WDFY4: variants seen among roughly 807,000 people sequenced by gnomAD.
WDFY4 encodes the protein WDFY family member 4, also known as WD repeat- and FYVE domain-containing protein 4.
Under a neutral mutation model 351.9 loss-of-function variants are expected in WDFY4, and 169 were observed. That is an observed-to-expected ratio of 0.48 (90% confidence interval 0.42 to 0.55). WDFY4 has a LOEUF of 0.55. WDFY4 is among the 20% of genes least tolerant of loss of function. The pLI, the probability that WDFY4 is intolerant of heterozygous loss-of-function variation, is 0.00. For missense variants in WDFY4, 3,803 were observed against 3,935.6 expected (o/e 0.97, Z 0.90); for synonymous variants, 1,622 against 1,574.6 (o/e 1.03, Z -0.71).
intron 11 of WDFY4, among the ~76,000 whole-genome samples, chr10:48,737,906 T>C (rs1045240696): frequency 3.3e-5 from 5 of 152,206 alleles, no homozygotes; most frequent in Non-Finnish European, 7.4e-5. Context: ...GAGAGCTTCA[T>C]TGACTAAATT....
intron 1 of WDFY4, among the ~76,000 whole-genome samples, chr10:48,696,718 T>C (rs1359553378): frequency 6.6e-6 from 1 of 152,228 alleles, no homozygotes; most frequent in Admixed American, 6.5e-5. Context: ...AAAGGCCATG[T>C]GGGCTGAAGC....
chr10:48,778,899 C>G (rs1468588155), intron 18 of WDFY4, 67 bp downstream of exon 18: 4 of 1,509,452 alleles, frequency 2.6e-6, no homozygotes, highest in East Asian at 4.9e-5. Flanking sequence ...GTCAGAAGCT[C>G]TCAACACAGG....
At chr10:48,763,966 C>T (rs1233156266) in intron 13 of WDFY4, among the ~76,000 whole-genome samples, 4 of 152,170 alleles carry the variant, frequency 2.6e-5, no homozygotes, top group East Asian at 3.8e-4. Context: ...GGCAGGCCTC[C>T]GCAGGTTTTG....
rs1247297703 is a variant in WDFY4, at chr10:48,787,808, T to TC, written c.3809-721dup. Among the ~76,000 whole-genome samples, 183 of 23,316 alleles carry TC rather than the reference T, an allele frequency of 7.8e-3. 7 individuals are homozygous for TC. The highest frequency in any genetic ancestry group is 0.022 in the East Asian group (19 of 868). 15.3% of individuals were successfully genotyped at this position (23,316 alleles called of 152,430 possible). On this transcript the variant is annotated intron_variant, in intron 20 of 61. Transcript: ENST00000325239. ...CTCTTCCTCCTCCTCCTCCTCCTCC[T>TC]CTTCTTCTTCTTCTTCTTCTTCTTC... is the stretch of plus-strand genomic sequence containing the variant.
At chr10:48,929,513 G>C (rs556417150) in intron 47 of WDFY4, among the ~76,000 whole-genome samples, 21 of 152,312 alleles carry the variant, frequency 1.4e-4, no homozygotes, top group Admixed American at 8.5e-4. Context: ...CGTGCCCCCT[G>C]AGGTCCATGG....
At position 48,943,429 on chromosome 10, in the gene WDFY4, C is replaced by T; in HGVS notation, c.7729C>T (p.Leu2577Phe). 12 of 1,551,868 alleles carry T rather than the reference C, an allele frequency of 7.7e-6. No homozygotes were observed. Among genetic ancestry groups the T allele is most frequent in the Non-Finnish European group, 1.0e-5 (12 of 1,147,014 alleles). Residue 2577 changes from leucine (L) to phenylalanine (F), a missense_variant, in exon 49 of 62, where the codon CTC becomes TTC. Transcript: ENST00000325239. ...YMQYPVFPWV[L>F]ADYTSETLNL... is the part of the protein sequence containing the mutation. ...GCAGTACCCAGTGTTCCCCTGGGTC[C>T]TCGCAGACTACACCTCAGAGGTAAG...
chr10:48,920,806 A>C (rs938845333), intron 47 of WDFY4, among the ~76,000 whole-genome samples: 3 of 152,248 alleles, frequency 2.0e-5, no homozygotes, highest in Admixed American at 6.5e-5. Context: ...TGAGTTTAGC[A>C]AGGCCATAGG....
rs1384031982 is a variant in WDFY4 at position 48,742,915 on chromosome 10, A to G, written c.1879-53A>G. The stretch of plus-strand genomic sequence containing the variant: ...CTCTGGCAGGAATGTGTGTGGGCTC[A>G]GGGTTAATCTACCTCCTGGAGTGCA... On this transcript the variant is annotated intron_variant, in intron 11 of 61. Transcript: ENST00000325239. 6 of 1,470,584 alleles carry G rather than the reference A, an allele frequency of 4.1e-6. No homozygotes were observed. In the Admixed American group the frequency reaches 1.1e-4, roughly 26 times the overall value. The allele number at this position is 1,470,584 out of a possible 1,614,324, so 91.1% of individuals were successfully genotyped here. A position where few individuals can be genotyped will look rare whatever the true frequency, so the allele number is the denominator to read the frequency against.
intron 42 of WDFY4, among the ~76,000 whole-genome samples, chr10:48,875,657 C>T (rs1440314566): frequency 6.6e-6 from 1 of 152,212 alleles, no homozygotes; most frequent in East Asian, 1.9e-4. Context: ...TCAAGTGATC[C>T]ACCTGCCTTG....
At chr10:48,710,523 T>C (rs904443689) in intron 2 of WDFY4, among the ~76,000 whole-genome samples, 5 of 152,152 alleles carry the variant, frequency 3.3e-5, no homozygotes, top group African/African-American at 9.7e-5. Flanking sequence ...TAATACTGTC[T>C]CTTTAGTTAA....
At chr10:48,790,066 A>G (rs1048505304) in intron 22 of WDFY4, 81 bp downstream of exon 22, 12 of 1,372,024 alleles carry the variant, frequency 8.7e-6, no homozygotes, top group Non-Finnish European at 1.2e-5. Flanking sequence ...GGAGTTCTGG[A>G]GTGGTGGACA....
chr10:48,896,048 G>A (rs966252188), intron 44 of WDFY4, among the ~76,000 whole-genome samples: 6 of 152,240 alleles, frequency 3.9e-5, no homozygotes, highest in African/African-American at 1.4e-4. Context: ...TCCAGCCTGG[G>A]TCTTGCAAAC....
intron 47 of WDFY4, among the ~76,000 whole-genome samples, chr10:48,911,547 T>C (rs901384016): frequency 3.9e-5 from 6 of 152,236 alleles, no homozygotes; most frequent in African/African-American, 1.4e-4. Flanking sequence ...CTTATAGTTA[T>C]GTATATCCAC....
intron 24 of WDFY4, among the ~76,000 whole-genome samples, chr10:48,800,350 A>T (rs1197285890): frequency 6.6e-6 from 1 of 152,198 alleles, no homozygotes; most frequent in African/African-American, 2.4e-5. Flanking sequence ...AAACGGTGGG[A>T]TCCGTGATGA....
chr10:48,956,626 G>A (rs1178198496), intron 51 of WDFY4, among the ~76,000 whole-genome samples: 4 of 152,042 alleles, frequency 2.6e-5, no homozygotes, highest in Non-Finnish European at 5.9e-5. Flanking sequence ...CTCACTTCCG[G>A]GGCGCCTCTC....
At chr10:48,768,136 A>G (rs1296126280) in intron 13 of WDFY4, among the ~76,000 whole-genome samples, 1 of 152,172 alleles carries the variant, frequency 6.6e-6, no homozygotes, top group African/African-American at 2.4e-5. Flanking sequence ...CATCTGGAGC[A>G]TCTGGTGGAG....
chr10:48,929,538 C>G (rs1323781387), intron 47 of WDFY4, among the ~76,000 whole-genome samples: 12 of 152,204 alleles, frequency 7.9e-5, no homozygotes, highest in Admixed American at 7.9e-4. Context: ...GCCCCTTGCT[C>G]CTCTTCTCTG....
Position 48,900,297 on chromosome 10 carries a change from C to A in WDFY4, c.7514C>A (p.Ala2505Asp). ...LVFYNNDRSK[A>D]FKSFCSFQPS... ...TTCTACAACAATGATCGGAGTAAGG[C>A]CTTTAAAAGGTAAGAGCTTGAAAAT... Residue 2505 changes from alanine (A) to aspartate (D), a missense_variant, in exon 46 of 62, where the codon GCC (alanine) becomes GAC (aspartate). This residue lies in a region of WDFY4 where 3,054 missense variants were observed against 3,148.6 expected (regional missense o/e 0.97). Coordinates refer to ENST00000325239, the MANE Select transcript of WDFY4 (RefSeq NM_001394531.1). 1.3e-6 allele frequency: 2 copies of A among 1,551,184 alleles called. No individual in the cohort carries two copies. Among genetic ancestry groups the A allele is most frequent in the Non-Finnish European group, 1.7e-6 (2 of 1,146,758 alleles).
At chr10:48,746,698 T>C (rs926696958) in intron 12 of WDFY4, among the ~76,000 whole-genome samples, 10 of 152,210 alleles carry the variant, frequency 6.6e-5, no homozygotes, top group Non-Finnish European at 1.3e-4. Context: ...GTATGAAATT[T>C]AAACTCTCTA....
Sources: gnomAD v4.1 joint callset for allele counts (sites outside exome capture counted in the v4.1 genomes callset) on GRCh38, gnomAD v4.1.1 for gene constraint, gnomAD v4.1.1 regional missense constraint, MANE v1.5 for transcripts, NCBI Gene and HGNC (gene_info 2026-07-23, HGNC 2026-07-21) for gene names.